SDK1: variants seen among roughly 807,000 people sequenced by gnomAD.
SDK1 encodes protein sidekick-1.
A neutral mutation model predicts 245.5 loss-of-function variants in SDK1; 157 were observed. The observed-to-expected ratio is 0.64, with a 90% confidence interval of 0.56 to 0.73. The LOEUF is 0.73. SDK1 is among the 30% of genes least tolerant of loss of function. SDK1 has a pLI of 0.00. For synonymous variants in SDK1, 1,647 were observed against 1,278.5 expected (o/e 1.29, Z -6.15); for missense variants, 3,583 against 3,002.3 (o/e 1.19, Z -4.52).
intron 5 of SDK1, among the ~76,000 whole-genome samples, chr7:3,945,963 TAAAAA>T (rs1780561761): frequency 1.3e-5 from 1 of 77,728 alleles, no homozygotes; most frequent in Non-Finnish European, 2.8e-5. Context: ...TTTCCAAAAT[TAAAAA>T]AAGGAAAATA....
intron 4 of SDK1, among the ~76,000 whole-genome samples, chr7:3,678,487 A>C (rs1297203982): frequency 6.6e-6 from 1 of 152,236 alleles, no homozygotes; most frequent in African/African-American, 2.4e-5. Context: ...CGAACTTTGA[A>C]AACTAATCAT....
intron 19 of SDK1, among the ~76,000 whole-genome samples, chr7:4,060,436 CTTCTT>C (rs1779465759): frequency 6.6e-6 from 1 of 152,104 alleles, no homozygotes; most frequent in African/African-American, 2.4e-5. Context: ...GCATAAATGT[CTTCTT>C]TTGAGAAGTG....
intron 44 of SDK1, among the ~76,000 whole-genome samples, chr7:4,252,808 A>C (rs994298808): frequency 1.4e-5 from 2 of 145,708 alleles, no homozygotes; most frequent in East Asian, 2.0e-4. Flanking sequence ...TTTATTGGCT[A>C]TAGATTTATT....
At chr7:4,221,101 G>C (rs1304083670) in intron 39 of SDK1, 138 bp from the exon 40 acceptor site, 3 of 986,818 alleles carry the variant, frequency 3.0e-6, no homozygotes, top group East Asian at 5.4e-5. Context: ...GAAAAACCCT[G>C]GGTGCGTGAG....
intron 4 of SDK1, among the ~76,000 whole-genome samples, chr7:3,664,839 C>A (rs1207630356): frequency 6.6e-6 from 1 of 152,024 alleles, no homozygotes; most frequent in Non-Finnish European, 1.5e-5. Context: ...ATCTTTCTTA[C>A]GGCTCTGAGA....
In SDK1 at chr7:4,237,680, G is replaced by T; in HGVS notation, c.6026G>T (p.Trp2009Leu). Residue 2009 changes from tryptophan (W) to leucine (L), a missense_variant, in exon 42 of 45, where the codon TGG becomes TTG. Physicochemically the swap from Trp to Leu is moderately conservative, Grantham distance 61. Coordinates refer to ENST00000404826, the MANE Select transcript of SDK1 (RefSeq NM_152744.4). Reference protein sequence around the residue: ...QVEAPFYEEWWFLLVMALSSL... With the variant: ...QVEAPFYEEWLFLLVMALSSL... ...GAAGCCCCATTCTACGAGGAGTGGTGGTTCCTCCTGGTGATGGCTCTGTCC... is the reference window on the plus strand; with the variant it reads ...GAAGCCCCATTCTACGAGGAGTGGTTGTTCCTCCTGGTGATGGCTCTGTCC... 6 of 1,614,120 alleles carry T rather than the reference G, an allele frequency of 3.7e-6. No individual in the cohort carries two copies. The highest frequency in any genetic ancestry group is 5.1e-6 in the Non-Finnish European group (6 of 1,179,996).
At chr7:3,717,456 T>A (rs992136424) in intron 4 of SDK1, among the ~76,000 whole-genome samples, 14 of 152,090 alleles carry the variant, frequency 9.2e-5, no homozygotes, top group African/African-American at 3.1e-4. Context: ...AGAGGAAAAT[T>A]TATAGCATTA....
intron 5 of SDK1, among the ~76,000 whole-genome samples, chr7:3,948,554 G>A (rs1434410353): frequency 6.6e-6 from 1 of 152,208 alleles, no homozygotes; most frequent in Non-Finnish European, 1.5e-5. Context: ...GAGCCACCGC[G>A]CCCGGCCACC....
At chr7:3,959,269 C>G (rs1270918396) in intron 8 of SDK1, among the ~76,000 whole-genome samples, 1 of 152,070 alleles carries the variant, frequency 6.6e-6, no homozygotes, top group East Asian at 1.9e-4. Flanking sequence ...CACATCTACC[C>G]CAGACAGAGA....
chr7:3,839,016 G>C (rs1258206551), intron 5 of SDK1, among the ~76,000 whole-genome samples: 1 of 152,056 alleles, frequency 6.6e-6, no homozygotes, highest in Non-Finnish European at 1.5e-5. Flanking sequence ...TCTAGAGCAG[G>C]GATCTTCACG....
intron 4 of SDK1, among the ~76,000 whole-genome samples, chr7:3,766,351 C>A (rs1448383015): frequency 6.6e-6 from 1 of 152,186 alleles, no homozygotes; most frequent in Non-Finnish European, 1.5e-5. Context: ...AGTGTACTCA[C>A]TTATTTTTCA....
chr7:4,158,498 T>C lies in SDK1; in HGVS notation c.4676T>C (p.Ile1559Thr), dbSNP rs763847417. The C allele has an allele frequency of 2.1e-5, 34 of 1,613,670 alleles. No individual in the cohort carries two copies. Among genetic ancestry groups the C allele is most frequent in the Admixed American group, 5.0e-5 (3 of 59,992 alleles). The change falls in exon 31 of 45, where the codon ATT becomes ACT. Residue 1559 changes from isoleucine (I) to threonine (T), a missense_variant. Physicochemically the swap from Ile to Thr is moderately conservative, Grantham distance 89. Transcript: ENST00000404826. Reference sequence around the variant, plus strand: ...CTGCGCCTGAAAGCCACCAACGACATTGGGGACAGTGACTTCAGTTCAGAG... The same window carrying C: ...CTGCGCCTGAAAGCCACCAACGACACTGGGGACAGTGACTTCAGTTCAGAG... ...YKLRLKATND[I>T]GDSDFSSETE... is the part of the protein sequence containing the mutation.
chr7:4,173,118 G>A (rs993862586), intron 32 of SDK1, among the ~76,000 whole-genome samples: 1 of 152,230 alleles, frequency 6.6e-6, no homozygotes, highest in Non-Finnish European at 1.5e-5. Flanking sequence ...CAGTGAGCCC[G>A]ACACCGGAAG....
At chr7:3,338,453 A>G in intron 1 of SDK1, 1 of 521,230 alleles carries the variant, frequency 1.9e-6, no homozygotes, top group South Asian at 1.6e-5. Flanking sequence ...CATGTGAAGG[A>G]AAATGATCAG....
intron 2 of SDK1, among the ~76,000 whole-genome samples, chr7:3,625,942 C>CTTTTTTTTTTTT (rs3086084): frequency 7.7e-5 from 10 of 129,782 alleles, no homozygotes; most frequent in Non-Finnish European, 9.5e-5. Context: ...TCTTTTCTTT[C>CTTTTTTTTTTTT]TTTTTTTTTT....
chr7:4,011,212 C>A (rs1029479735), intron 15 of SDK1, 99 bp downstream of exon 15: 2 of 1,430,564 alleles, frequency 1.4e-6, no homozygotes, highest in Non-Finnish European at 9.5e-7. Context: ...CACAGCAACC[C>A]GCTGGCTTCC....
chr7:3,316,837 A>G (rs1475501908), intron 1 of SDK1, among the ~76,000 whole-genome samples: 2 of 152,032 alleles, frequency 1.3e-5, no homozygotes, highest in Admixed American at 1.3e-4. Context: ...TTTTGCTTAA[A>G]CTAGACAGAA....
chr7:3,760,032 T>A (rs1044366956), intron 4 of SDK1, among the ~76,000 whole-genome samples: 1 of 151,594 alleles, frequency 6.6e-6, no homozygotes. Context: ...GTTTTATGTA[T>A]TTTTTTTTCA....
At chr7:3,669,380 C>A (rs1297551789) in intron 4 of SDK1, among the ~76,000 whole-genome samples, 4 of 152,136 alleles carry the variant, frequency 2.6e-5, no homozygotes, top group Non-Finnish European at 4.4e-5. Context: ...CTTCTTACCC[C>A]CTTTTCATTG....
Sources: gnomAD v4.1 joint callset for allele counts (sites outside exome capture counted in the v4.1 genomes callset) on GRCh38, gnomAD v4.1.1 for gene constraint, MANE v1.5 for transcripts, NCBI Gene and HGNC (gene_info 2026-07-23, HGNC 2026-07-21) for gene names.